The following MAST4 variants were observed in gnomAD, a reference collection of about 807,000 sequenced individuals.
MAST4 encodes the protein microtubule associated serine/threonine kinase family member 4, also known as microtubule-associated serine/threonine-protein kinase 4.
A neutral mutation model predicts 162.7 loss-of-function variants in MAST4; 89 were observed. The ratio of observed to expected loss-of-function variants is 0.55; its 90% confidence interval spans 0.46 to 0.65. The LOEUF (loss-of-function observed/expected upper bound fraction) is 0.65. Among genes scored for constraint, MAST4 ranks in the 30% least tolerant of loss-of-function variants. The pLI is 0.00. For synonymous variants in MAST4, 1,479 were observed against 1,361.1 expected, an observed-to-expected ratio of 1.09 and a Z score of -1.91; for missense variants, 3,153 against 3,374.0, an observed-to-expected ratio of 0.93 and a Z score of 1.62.
intron 4 of MAST4, 68 bp from the exon 5 acceptor site, chr5:67,054,336 G>A (rs950535008): frequency 6.0e-6 from 8 of 1,341,576 alleles, no homozygotes; most frequent in South Asian, 1.4e-5. Context: ...CATGTCTACC[G>A]GGAACATGGT....
At chr5:66,928,421 C>T (rs1388950218) in intron 4 of MAST4, among the ~76,000 whole-genome samples, 1 of 152,198 alleles carries the variant, frequency 6.6e-6, no homozygotes, top group Non-Finnish European at 1.5e-5. Flanking sequence ...TGCCAGTTTG[C>T]AAAGTCAGAA....
chr5:67,147,889 A>G (rs1771296176), intron 23 of MAST4, among the ~76,000 whole-genome samples: 1 of 152,198 alleles, frequency 6.6e-6, no homozygotes. Context: ...GTTATGTGGA[A>G]GTCCATGAAT....
Position 67,163,266 on chromosome 5 carries a change from T to C in MAST4, c.4087T>C (p.Tyr1363His). ...TGCACCCAAACTCGGCGGGCAGCGG[T>C]ACCGGTCCGGAAGGCGAAAGTCCGC... ...GLAPKLGGQR[Y>H]RSGRRKSAGN... The change falls in exon 29 of 29, where the codon TAC becomes CAC. Residue 1363 changes from tyrosine (Y) to histidine (H), a missense_variant. Transcript: ENST00000403625. This position sits in a 1 kb window ranked among gnomAD's most constrained non-coding sequence, Gnocchi z 7.0. The C allele has an allele frequency of 6.2e-7, 1 of 1,613,466 alleles. No homozygotes were observed. The highest frequency in any genetic ancestry group is 8.5e-7 in the Non-Finnish European group (1 of 1,179,870).
intron 3 of MAST4, among the ~76,000 whole-genome samples, chr5:66,808,701 C>T (rs1258185573): frequency 6.6e-6 from 1 of 152,176 alleles, no homozygotes; most frequent in African/African-American, 2.4e-5. Context: ...TTTTGCCCTG[C>T]ATTTGGTAGT....
At chr5:66,955,872 A>G (rs1165486310) in intron 4 of MAST4, among the ~76,000 whole-genome samples, 2 of 152,158 alleles carry the variant, frequency 1.3e-5, no homozygotes, top group Non-Finnish European at 2.9e-5. Context: ...TTATTTCCTA[A>G]ATGCCTGATT....
chr5:66,854,472 C>T (rs925456976), intron 3 of MAST4, among the ~76,000 whole-genome samples: 1 of 152,086 alleles, frequency 6.6e-6, no homozygotes, highest in East Asian at 1.9e-4. Context: ...ATCAAGGTAT[C>T]GGCTGGGGCT....
At chr5:66,635,937 A>T (rs1745078996) in intron 1 of MAST4, among the ~76,000 whole-genome samples, 1 of 139,926 alleles carries the variant, frequency 7.1e-6, no homozygotes, top group East Asian at 2.2e-4. Flanking sequence ...ACTGCATAAG[A>T]TAGAGACTGT....
chr5:66,941,459 T>C (rs1663919657), intron 4 of MAST4, among the ~76,000 whole-genome samples: 1 of 152,156 alleles, frequency 6.6e-6, no homozygotes, highest in African/African-American at 2.4e-5. Flanking sequence ...CTTACACAGC[T>C]TCCTCACCCC....
intron 3 of MAST4, chr5:66,828,983 C>A: frequency 2.1e-6 from 2 of 964,658 alleles, no homozygotes; most frequent in Non-Finnish European, 1.6e-6. Flanking sequence ...CGAATATGTG[C>A]ATAATTCTTA....
chr5:66,929,656 TTA>T (rs1741961751), intron 4 of MAST4, among the ~76,000 whole-genome samples: 3 of 152,346 alleles, frequency 2.0e-5, no homozygotes, highest in Admixed American at 1.3e-4. Flanking sequence ...TACAGTTATG[TTA>T]CTATCTGCTG....
At chr5:66,838,038 T>A (rs1193722665) in intron 3 of MAST4, among the ~76,000 whole-genome samples, 4 of 151,570 alleles carry the variant, frequency 2.6e-5, no homozygotes, top group Non-Finnish European at 5.9e-5. Flanking sequence ...GGGGGGCAAT[T>A]ATCATAGTGG....
At position 66,764,536 on chromosome 5, in the gene MAST4, T is replaced by C. The variant is rs896852284; in HGVS notation, c.517+4674T>C. Among the ~76,000 whole-genome samples, 3 of 152,168 alleles carry C rather than the reference T, an allele frequency of 2.0e-5. No individual in the cohort carries two copies. In the East Asian group the frequency reaches 5.8e-4, roughly 29 times the overall value. ...TGGTCCCATAAGATTATAATGGAACTGAAAAGCTCCTATTATATGGTAATG... is the reference window on the plus strand; with the variant it reads ...TGGTCCCATAAGATTATAATGGAACCGAAAAGCTCCTATTATATGGTAATG... On this transcript the variant is annotated intron_variant, in intron 2 of 28. Coordinates refer to ENST00000403625, the MANE Select transcript of MAST4 (RefSeq NM_001164664.2).
At chr5:67,004,262 G>C (rs1187477169) in intron 4 of MAST4, among the ~76,000 whole-genome samples, 1 of 152,072 alleles carries the variant, frequency 6.6e-6, no homozygotes, top group Non-Finnish European at 1.5e-5. Context: ...GCCGGGGCTG[G>C]TGGGGGGTGG....
At chr5:66,662,108 A>G (rs1746950931) in intron 1 of MAST4, among the ~76,000 whole-genome samples, 1 of 151,834 alleles carries the variant, frequency 6.6e-6, no homozygotes, top group African/African-American at 2.4e-5. Flanking sequence ...ATTATCAGCC[A>G]CTATTCTAGG....
intron 1 of MAST4, among the ~76,000 whole-genome samples, chr5:66,690,409 G>A (rs1428319301): frequency 6.6e-6 from 1 of 152,144 alleles, no homozygotes; most frequent in Non-Finnish European, 1.5e-5. Flanking sequence ...AATTGTTGAA[G>A]TTTGTTTTCA....
chr5:66,698,086 C>T (rs1316523374), intron 1 of MAST4, among the ~76,000 whole-genome samples: 4 of 152,018 alleles, frequency 2.6e-5, no homozygotes, highest in South Asian at 2.1e-4. Context: ...CCACCCATCT[C>T]GTGGCCTGGC....
intron 21 of MAST4, among the ~76,000 whole-genome samples, chr5:67,144,128 G>A (rs1369614957): frequency 1.3e-5 from 2 of 152,132 alleles, no homozygotes; most frequent in South Asian, 2.1e-4. Context: ...ATTTGTAAGC[G>A]AAACAAATAC....
intron 3 of MAST4, among the ~76,000 whole-genome samples, chr5:66,885,742 A>C (rs1761995333): frequency 6.6e-6 from 1 of 152,208 alleles, no homozygotes; most frequent in Non-Finnish European, 1.5e-5. Flanking sequence ...GTAGGCTTAG[A>C]TAATATTTAA....
At chr5:66,803,562 T>G (rs1756028335) in intron 3 of MAST4, among the ~76,000 whole-genome samples, 1 of 152,212 alleles carries the variant, frequency 6.6e-6, no homozygotes, top group East Asian at 1.9e-4. Context: ...AAGGTTTTAT[T>G]TTTTACAGAA....
Sources: allele counts gnomAD v4.1 joint callset (sites outside exome capture counted in the v4.1 genomes callset), GRCh38; gene constraint gnomAD v4.1.1; non-coding constraint Gnocchi (gnomAD v3.1); transcripts MANE v1.5; gene names NCBI Gene and HGNC (gene_info 2026-07-23, HGNC 2026-07-21).